The following GLRA1 variants were observed in gnomAD, a reference collection of about 807,000 sequenced individuals.
GLRA1 encodes the protein glycine receptor alpha 1, also known as glycine receptor subunit alpha-1.
GLRA1 carries 37 observed loss-of-function variants against 48.3 expected under a neutral mutation model. The ratio of observed to expected loss-of-function variants is 0.77; its 90% CI spans 0.59 to 1.01. The LOEUF (loss-of-function observed/expected upper bound fraction) is 1.01. Among genes scored for constraint, GLRA1 ranks in the 50% least tolerant of loss-of-function variants. The pLI is 0.00. For missense variants in GLRA1, 427 were observed against 571.0 expected, an observed-to-expected ratio of 0.75 and a Z score of 2.57; for synonymous variants, 196 against 210.7, an observed-to-expected ratio of 0.93 and a Z score of 0.60.
chr5:151,913,890 A>C (rs1203175951), intron 1 of GLRA1, among the ~76,000 whole-genome samples: 1 of 152,250 alleles, frequency 6.6e-6, no homozygotes, highest in South Asian at 2.1e-4. Flanking sequence ...GAAAGGTGTC[A>C]GGCACGAAGG....
rs187942804 is a variant in GLRA1 at position 151,896,089 on chromosome 5, C to T, written c.57-3651G>A. On this transcript the variant is annotated intron_variant, in intron 1 of 8. Transcript: ENST00000274576. ...GGGCAGTACAGTGGGAGAATGAATT[C>T]TCCCCACATCATCCCATACCATTTG... is the stretch of plus-strand genomic sequence containing the variant. Among the ~76,000 whole-genome samples, 5 of 152,298 alleles carry T rather than the reference C, an allele frequency of 3.3e-5. No individual in the cohort carries two copies. In the East Asian group the frequency reaches 9.7e-4, roughly 29 times the overall value.
intron 7 of GLRA1, chr5:151,849,667 C>T: frequency 4.9e-6 from 1 of 204,618 alleles, no homozygotes; most frequent in Non-Finnish European, 9.8e-6. Flanking sequence ...ATTCTCCTGC[C>T]TCAGCCTCAC....
chr5:151,923,393 A>T (rs968870470), intron 1 of GLRA1, among the ~76,000 whole-genome samples: 2 of 152,228 alleles, frequency 1.3e-5, no homozygotes, highest in Non-Finnish European at 2.9e-5. Flanking sequence ...ACTTATTTTT[A>T]AAAACAATTT....
intron 1 of GLRA1, among the ~76,000 whole-genome samples, chr5:151,915,290 G>A (rs1754711977): frequency 6.6e-6 from 1 of 152,166 alleles, no homozygotes; most frequent in East Asian, 1.9e-4. Flanking sequence ...GAAGGCAGAA[G>A]AGAAGGCTCA....
chr5:151,885,119 C>T (rs941923767), intron 3 of GLRA1, among the ~76,000 whole-genome samples: 2 of 152,226 alleles, frequency 1.3e-5, no homozygotes, highest in South Asian at 2.1e-4. Context: ...CAGGCCACCT[C>T]ACCTACTGAA....
intron 6 of GLRA1, among the ~76,000 whole-genome samples, chr5:151,854,531 A>G (rs963440735): frequency 3.6e-4 from 55 of 152,312 alleles, no homozygotes; most frequent in African/African-American, 1.3e-3. Context: ...CAGATATTCA[A>G]TCTTCCAACA....
At chr5:151,916,519 G>A (rs1754746598) in intron 1 of GLRA1, among the ~76,000 whole-genome samples, 1 of 152,210 alleles carries the variant, frequency 6.6e-6, no homozygotes, top group African/African-American at 2.4e-5. Flanking sequence ...ACAGGTTAAA[G>A]GGATGGAGAA....
intron 6 of GLRA1, among the ~76,000 whole-genome samples, chr5:151,853,271 G>T (rs556626373): frequency 1.3e-5 from 2 of 152,012 alleles, no homozygotes; most frequent in Non-Finnish European, 2.9e-5. Context: ...TTTTGAGATA[G>T]AGTCTTGCTC....
intron 1 of GLRA1, among the ~76,000 whole-genome samples, chr5:151,921,808 A>G (rs1561586191): frequency 6.6e-6 from 1 of 152,246 alleles, no homozygotes; most frequent in South Asian, 2.1e-4. Context: ...AATGCCACTT[A>G]CTGAATTTTA....
chr5:151,878,436 GA>G (rs1252456762), intron 3 of GLRA1, among the ~76,000 whole-genome samples: 3 of 152,222 alleles, frequency 2.0e-5, no homozygotes, highest in Non-Finnish European at 2.9e-5. Flanking sequence ...TTTCTGAGGA[GA>G]AATTGAAGCC....
At chr5:151,858,952 A>G (rs566485759) in intron 4 of GLRA1, among the ~76,000 whole-genome samples, 245 of 152,294 alleles carry the variant, frequency 1.6e-3, no homozygotes, top group African/African-American at 5.5e-3. Context: ...TCACACTAAT[A>G]TAGATTAGAA....
At chr5:151,878,798 G>A (rs1753688996) in intron 3 of GLRA1, among the ~76,000 whole-genome samples, 1 of 152,214 alleles carries the variant, frequency 6.6e-6, no homozygotes, top group South Asian at 2.1e-4. Flanking sequence ...CCTCTGCCTA[G>A]ATTTCAGAAG....
In GLRA1 at chr5:151,911,874, C is replaced by T. The variant is rs537041470; in HGVS notation, c.56+12620G>A. Among the ~76,000 whole-genome samples the T allele has an allele frequency of 5.9e-5, 9 of 152,008 alleles. No individual in the cohort carries two copies. The South Asian group carries it at 1.9e-3, about 32-fold the overall frequency. ...CTGCCTGCCTTGGCCTCCCAAAGTGCTGGAATTACAGGCGTGAGCCACCGC... is the reference window on the plus strand; with the variant it reads ...CTGCCTGCCTTGGCCTCCCAAAGTGTTGGAATTACAGGCGTGAGCCACCGC... On this transcript the variant is annotated intron_variant, in intron 1 of 8. Coordinates refer to ENST00000274576, the MANE Select transcript of GLRA1 (RefSeq NM_000171.4).
At chr5:151,893,360 CA>C (rs1191918263) in intron 1 of GLRA1, among the ~76,000 whole-genome samples, 1 of 97,040 alleles carries the variant, frequency 1.0e-5, no homozygotes, top group South Asian at 3.2e-4. Flanking sequence ...TTCTTTCTTT[CA>C]TTTTAGTTCT....
At chr5:151,864,335 T>C (rs1293094277) in intron 3 of GLRA1, among the ~76,000 whole-genome samples, 1 of 152,202 alleles carries the variant, frequency 6.6e-6, no homozygotes, top group Admixed American at 6.5e-5. Context: ...AAATGGTCTG[T>C]TAGGCAGCAG....
intron 8 of GLRA1, among the ~76,000 whole-genome samples, chr5:151,827,061 A>G (rs1189084842): frequency 5.1e-5 from 7 of 136,870 alleles, no homozygotes; most frequent in Non-Finnish European, 9.2e-5. Flanking sequence ...CAAAGTCACT[A>G]TGTTGCCCAC....
intron 3 of GLRA1, among the ~76,000 whole-genome samples, chr5:151,866,466 G>A (rs1156339383): frequency 1.3e-5 from 2 of 152,152 alleles, no homozygotes; most frequent in East Asian, 3.9e-4. Flanking sequence ...GTTTTAGTAG[G>A]ATAGAACTAA....
chr5:151,923,607 T>C (rs1754932136), intron 1 of GLRA1, among the ~76,000 whole-genome samples: 1 of 152,236 alleles, frequency 6.6e-6, no homozygotes, highest in Admixed American at 6.5e-5. Flanking sequence ...TTTCAATGCT[T>C]CTTAAAGAGG....
At chr5:151,898,060 C>T (rs1273445524) in intron 1 of GLRA1, among the ~76,000 whole-genome samples, 2 of 152,056 alleles carry the variant, frequency 1.3e-5, no homozygotes, top group African/African-American at 4.8e-5. Flanking sequence ...GGGTTGGAGG[C>T]AGGGTGATAT....
Sources: allele counts gnomAD v4.1 joint callset (sites outside exome capture counted in the v4.1 genomes callset), GRCh38; gene constraint gnomAD v4.1.1; transcripts MANE v1.5; gene names NCBI Gene and HGNC (gene_info 2026-07-23, HGNC 2026-07-21).